The following CTNND2 variants were observed in gnomAD, a reference collection of about 807,000 sequenced individuals.
CTNND2 encodes catenin delta-2.
In CTNND2, 22 loss-of-function variants were observed where a neutral mutation model predicts 144.4. The ratio of observed to expected loss-of-function variants is 0.15; its 90% CI spans 0.11 to 0.22. The LOEUF is 0.22. Among genes scored for constraint, CTNND2 ranks in the 10% least tolerant of loss-of-function variants. CTNND2 has a pLI of 1.00. For synonymous variants in CTNND2, 751 were observed against 695.6 expected (o/e 1.08, Z -1.25); for missense variants, 1,353 against 1,618.8 (o/e 0.84, Z 2.82).
At chr5:11,640,121 T>C (rs2727573) in intron 2 of CTNND2, among the ~76,000 whole-genome samples, 45,018 of 152,152 alleles carry the variant, frequency 0.3, 8,180 homozygotes, top group African/African-American at 0.5. Context: ...TAAAAAGACA[T>C]ATGCTTTCAT....
At chr5:11,821,318 G>T (rs189662766) in intron 1 of CTNND2, among the ~76,000 whole-genome samples, 1 of 152,022 alleles carries the variant, frequency 6.6e-6, no homozygotes. Flanking sequence ...AGTGTACTTC[G>T]CTTCACAACT....
In CTNND2 at chr5:11,566,301, T is replaced by C. The variant is rs78847330; in HGVS notation, c.175-1245A>G. ...CATTTTGTTTTTTAACCTCAAACTTTTATTCTTACATATTCTGAAGGGCAT... is the reference window on the plus strand; with the variant it reads ...CATTTTGTTTTTTAACCTCAAACTTCTATTCTTACATATTCTGAAGGGCAT... On this transcript the variant is annotated intron_variant, in intron 2 of 21. Coordinates refer to ENST00000304623, the MANE Select transcript of CTNND2 (RefSeq NM_001332.4). Among the ~76,000 whole-genome samples, 389 of 152,344 alleles carry C rather than the reference T, an allele frequency of 2.6e-3. 1 individual carries two copies. Among genetic ancestry groups the C allele is most frequent in the Non-Finnish European group, 4.8e-3 (325 of 68,020 alleles).
chr5:11,715,928 T>C (rs966460967), intron 2 of CTNND2, among the ~76,000 whole-genome samples: 2 of 152,226 alleles, frequency 1.3e-5, no homozygotes, highest in Non-Finnish European at 2.9e-5. Context: ...TCTAGCTTTC[T>C]TTACAGGGCA....
At chr5:11,096,542 T>A (rs1751368995) in intron 15 of CTNND2, among the ~76,000 whole-genome samples, 1 of 152,188 alleles carries the variant, frequency 6.6e-6, no homozygotes, top group Admixed American at 6.5e-5. Flanking sequence ...AATGAGGCAT[T>A]ATATTTTAAT....
intron 14 of CTNND2, among the ~76,000 whole-genome samples, chr5:11,101,885 ATATG>A: frequency 1.1e-5 from 1 of 89,678 alleles, no homozygotes; most frequent in South Asian, 4.1e-4. Context: ...TGACGACCAC[ATATG>A]TGTGTGTGTG....
At chr5:11,799,435 GTCTC>G (rs1381302343) in intron 1 of CTNND2, among the ~76,000 whole-genome samples, 1 of 152,088 alleles carries the variant, frequency 6.6e-6, no homozygotes, top group Non-Finnish European at 1.5e-5. Flanking sequence ...ACAGTTCAAT[GTCTC>G]TTTCTTCTTC....
intron 1 of CTNND2, among the ~76,000 whole-genome samples, chr5:11,733,281 C>T (rs1337139675): frequency 1.3e-5 from 2 of 152,076 alleles, no homozygotes. Context: ...GAACCCTCAA[C>T]ATGTGGGCTC....
At chr5:11,262,694 AGAGG>A (rs1744999108) in intron 9 of CTNND2, among the ~76,000 whole-genome samples, 1 of 139,446 alleles carries the variant, frequency 7.2e-6, no homozygotes, top group Non-Finnish European at 1.5e-5. Context: ...CCCAGGAGGC[AGAGG>A]TTGCAGTGAG....
chr5:11,734,095 C>T lies in CTNND2; in HGVS notation c.38-1823G>A, dbSNP rs78860990. 5.8e-3 allele frequency among the ~76,000 whole-genome samples: 883 copies of T among 152,266 alleles called. 10 individuals carry two copies. Among genetic ancestry groups the T allele is most frequent in the African/African-American group, 0.02 (839 of 41,546 alleles). On this transcript the variant is annotated intron_variant, in intron 1 of 21. Transcript: ENST00000304623. ...AGGCATCATCTATAAACCAGAAAGT[C>T]GGCCCTCCCCAGACACTAAATCTGC...
intron 1 of CTNND2, among the ~76,000 whole-genome samples, chr5:11,742,162 T>C (rs1788054400): frequency 6.6e-6 from 1 of 152,132 alleles, no homozygotes; most frequent in Non-Finnish European, 1.5e-5. Context: ...AACTTACTTA[T>C]GTAACCAACC....
chr5:11,746,086 T>A (rs1788297416), intron 1 of CTNND2, among the ~76,000 whole-genome samples: 1 of 152,168 alleles, frequency 6.6e-6, no homozygotes, highest in African/African-American at 2.4e-5. Context: ...AGGCTGTTCT[T>A]GCCCTGGCCC....
chr5:11,207,226 G>A (rs989824863), intron 10 of CTNND2, among the ~76,000 whole-genome samples: 1 of 151,954 alleles, frequency 6.6e-6, no homozygotes, highest in Non-Finnish European at 1.5e-5. Context: ...TCACACACTG[G>A]GGCCTGTTGG....
intron 10 of CTNND2, among the ~76,000 whole-genome samples, chr5:11,227,117 A>C (rs1036079730): frequency 6.6e-6 from 1 of 152,226 alleles, no homozygotes; most frequent in Non-Finnish European, 1.5e-5. Flanking sequence ...AACGTGGATG[A>C]TGAACAATAC....
intron 16 of CTNND2, among the ~76,000 whole-genome samples, chr5:11,074,539 G>C (rs1366180604): frequency 4.6e-5 from 7 of 152,140 alleles, no homozygotes; most frequent in African/African-American, 1.7e-4. Flanking sequence ...TGAGGGTTTG[G>C]TTAAAAAGGT....
At chr5:11,747,648 A>G (rs1788388414) in intron 1 of CTNND2, among the ~76,000 whole-genome samples, 2 of 152,178 alleles carry the variant, frequency 1.3e-5, no homozygotes, top group African/African-American at 4.8e-5. Context: ...TATCCTAAAC[A>G]AATACACAGT....
chr5:11,241,015 A>C (rs971421105), intron 9 of CTNND2, among the ~76,000 whole-genome samples: 7 of 146,672 alleles, frequency 4.8e-5, no homozygotes, highest in Non-Finnish European at 9.0e-5. Flanking sequence ...AAACACACAC[A>C]CCCAACACAC....
intron 9 of CTNND2, among the ~76,000 whole-genome samples, chr5:11,325,299 C>CAT (rs764980334): frequency 1.4e-4 from 21 of 151,678 alleles, no homozygotes; most frequent in Non-Finnish European, 2.8e-4. Context: ...ATATATATAA[C>CAT]ATATATATAT....
chr5:11,886,167 G>A (rs975398529), intron 1 of CTNND2, among the ~76,000 whole-genome samples: 6 of 151,800 alleles, frequency 4.0e-5, no homozygotes, highest in South Asian at 2.1e-4. Context: ...AAAAAATGTC[G>A]GAGCAGAAAT....
chr5:11,722,003 T>A (rs1469317057), intron 2 of CTNND2, among the ~76,000 whole-genome samples: 1 of 152,224 alleles, frequency 6.6e-6, no homozygotes, highest in Non-Finnish European at 1.5e-5. Context: ...TAGTGAGTTT[T>A]AGGCTAAGTT....
Sources: allele counts gnomAD v4.1 joint callset (sites outside exome capture counted in the v4.1 genomes callset), GRCh38; gene constraint gnomAD v4.1.1; transcripts MANE v1.5; gene names NCBI Gene and HGNC (gene_info 2026-07-23, HGNC 2026-07-21).